CCAR2: variants seen among roughly 807,000 people sequenced by gnomAD.
CCAR2 encodes the protein cell cycle and apoptosis regulator 2.
Under a neutral mutation model 108.1 loss-of-function variants are expected in CCAR2, and 21 were observed. The observed-to-expected ratio is 0.19, with a 90% CI of 0.14 to 0.28. The LOEUF (loss-of-function observed/expected upper bound fraction) is 0.28. Among genes scored for constraint, CCAR2 ranks in the 10% least tolerant of loss-of-function variants. The pLI is 1.00. For synonymous variants in CCAR2, 577 were observed against 472.8 expected, an observed-to-expected ratio of 1.22 and a Z score of -2.86; for missense variants, 1,126 against 1,177.0, an observed-to-expected ratio of 0.96 and a Z score of 0.63.
intron 7 of CCAR2, among the ~76,000 whole-genome samples, chr8:22,610,599 A>G (rs1382150574): frequency 6.6e-6 from 1 of 152,244 alleles, no homozygotes; most frequent in East Asian, 1.9e-4. Flanking sequence ...TATTAGAAAC[A>G]TGGGCTACTG....
At position 22,615,457 on chromosome 8, in the gene CCAR2, C is replaced by T. The variant is rs138544051; in HGVS notation, c.1238C>T (p.Pro413Leu). Residue 413 changes from proline to leucine, a missense_variant, in exon 12 of 21, where the codon CCG (proline) becomes CTG (leucine). Pro to Leu is a moderately conservative substitution (Grantham distance 98). This residue lies in a region of CCAR2 where 1,013 missense variants were observed against 993.9 expected (regional missense o/e 1.02). Coordinates refer to ENST00000308511, the MANE Select transcript of CCAR2 (RefSeq NM_001393997.1). The stretch of plus-strand genomic sequence containing the variant: ...TTTGCCGAGTTTCAGTACCTGCAGC[C>T]GGGACCCCCCCGGCGGCTTCAGACA... ...WRFAEFQYLQ[P>L]GPPRRLQTVV... 70 of 1,613,690 alleles carry T rather than the reference C, an allele frequency of 4.3e-5. No homozygotes were observed. Among genetic ancestry groups the T allele is most frequent in the Middle Eastern group, 1.6e-4 (1 of 6,082 alleles).
At chr8:22,615,023 C>T in intron 11 of CCAR2, 22 bp downstream of exon 11, 11 of 1,533,534 alleles carry the variant, frequency 7.2e-6, no homozygotes, top group Non-Finnish European at 8.8e-6. Context: ...TCCTGAGCCT[C>T]AGCTGCACCA....
Position 22,617,245 on chromosome 8 carries a change from C to G in CCAR2, c.1846-175C>G, listed in dbSNP as rs999312611. ...AAAAGCCCAGGTGTCTGGCGATGCCCTGGCATGCTCTGAATCCCACTTAAT... is the reference window on the plus strand; with the variant it reads ...AAAAGCCCAGGTGTCTGGCGATGCCGTGGCATGCTCTGAATCCCACTTAAT... On this transcript the variant is annotated intron_variant, in intron 14 of 20. Coordinates refer to ENST00000308511, the MANE Select transcript of CCAR2 (RefSeq NM_001393997.1). The G allele has an allele frequency of 1.0e-5, 7 of 697,070 alleles. No individual in the cohort carries two copies. In the Admixed American group the frequency reaches 2.1e-4, roughly 21 times the overall value. 43.2% of individuals were successfully genotyped at this position (697,070 alleles called of 1,614,324 possible).
intron 10 of CCAR2, 71 bp downstream of exon 10, chr8:22,614,574 G>A (rs930963512): frequency 1.1e-5 from 16 of 1,399,864 alleles, no homozygotes; most frequent in African/African-American, 7.1e-5. Flanking sequence ...TTGAGTGTTC[G>A]GCTCCTGTTC....
chr8:22,606,129 ACTC>A lies in CCAR2; in HGVS notation c.109_111del (p.Pro37del), dbSNP rs759005793. The A allele has an allele frequency of 7.4e-6, 12 of 1,613,510 alleles. No homozygotes were observed. The highest frequency in any genetic ancestry group is 6.7e-5 in the East Asian group (3 of 44,876). On this transcript the variant is annotated inframe_deletion, in exon 3 of 21. Transcript: ENST00000308511. ...TCTGGGCCCTCCTCCTGGTTTGCTC[ACTC>A]CTCCTGTGGCCACAGAACTGTCCCA...
rs748279690 is a variant in CCAR2 at position 22,615,469 on chromosome 8, G to A, written c.1250G>A (p.Arg417Gln). The A allele has an allele frequency of 6.8e-6, 11 of 1,613,914 alleles. No individual in the cohort carries two copies. Among genetic ancestry groups the A allele is most frequent in the Middle Eastern group, 1.6e-4 (1 of 6,062 alleles). The change falls in exon 12 of 21, where the codon CGG becomes CAG. Residue 417 changes from arginine (R) to glutamine (Q), a missense_variant. Arg to Gln is a conservative substitution (Grantham distance 43, BLOSUM62 1). This residue lies in a region of CCAR2 where 1,013 missense variants were observed against 993.9 expected (regional missense o/e 1.02). Transcript: ENST00000308511. The part of the protein sequence containing the change: ...EFQYLQPGPP[R>Q]RLQTVVVYLP... ...CAGTACCTGCAGCCGGGACCCCCCC[G>A]GCGGCTTCAGACAGTGGTGGTGTAC... is the stretch of plus-strand genomic sequence containing the variant.
chr8:22,618,850 C>G lies in CCAR2; in HGVS notation c.2356C>G (p.Pro786Ala). The G allele has an allele frequency of 6.2e-7, 1 of 1,613,874 alleles. No individual in the cohort carries two copies. Among genetic ancestry groups the G allele is most frequent in the Non-Finnish European group, 8.5e-7 (1 of 1,179,976 alleles). ...AGGAAACCTGGACCTGCTGCCCCCT[C>G]CTGGGAAAAGCACGAAGCCAGGTGC... ...LFGNLDLLPPPGKSTKPGAAP... is the reference protein window; with the variant it reads ...LFGNLDLLPPAGKSTKPGAAP... The change falls in exon 19 of 21, where the codon CCT becomes GCT. Residue 786 changes from proline (P) to alanine (A), a missense_variant. Coordinates refer to ENST00000308511, the MANE Select transcript of CCAR2 (RefSeq NM_001393997.1).
At position 22,616,020 on chromosome 8, in the gene CCAR2, G is replaced by A. The variant is rs1447581993; in HGVS notation, c.1617G>A (p.Val539=). The A allele has an allele frequency of 3.7e-6, 6 of 1,613,958 alleles. No individual in the cohort carries two copies. Among genetic ancestry groups the A allele is most frequent in the African/African-American group, 2.7e-5 (2 of 74,894 alleles). ...TCCCACCTCCCCATCAGGTGATGGT[G>A]CTGGCCGAGCTGTTTCTGGAGATGC... ...PKERISFEVM[V]LAELFLEMLQ... is the part of the protein sequence containing the mutation. Residue 539 remains valine (V), a synonymous_variant, in exon 14 of 21, where the codon GTG becomes GTA. Transcript: ENST00000308511.
Position 22,619,639 on chromosome 8 carries a change from C to G in CCAR2, c.2729C>G (p.Ala910Gly). 6.4e-7 allele frequency: 1 copy of G among 1,572,298 alleles called. No individual in the cohort carries two copies. The highest frequency in any genetic ancestry group is 8.6e-7 in the Non-Finnish European group (1 of 1,158,208). Residue 910 changes from alanine to glycine, a missense_variant and splice_region_variant, in exon 21 of 21, where the codon GCT (alanine) becomes GGT (glycine). By Grantham distance (60) the Ala-to-Gly change is moderately conservative. Transcript: ENST00000308511. ...QLEIQRVVEK[A>G]DSWVEKEEPA... ...GGGTACATCATCTGTTTCAAACAGG[C>G]TGACAGCTGGGTGGAGAAGGAGGAG...
chr8:22,618,945 G>A lies in CCAR2; in HGVS notation c.2451G>A (p.Gln817=), dbSNP rs200280940. The change falls in exon 19 of 21, where the codon CAG becomes CAA. Residue 817 remains glutamine (Q), a synonymous_variant. Transcript: ENST00000308511. Reference sequence around the variant, plus strand: ...TGATTAACGTGGGGAGCCTGCTGCAGCGCGCGGAGCAGCAGGACAGCGGCC... The same window carrying A: ...TGATTAACGTGGGGAGCCTGCTGCAACGCGCGGAGCAGCAGGACAGCGGCC... ...GSLINVGSLL[Q]RAEQQDSGRL... is the part of the protein sequence containing the mutation. 30 of 1,613,714 alleles carry A rather than the reference G, an allele frequency of 1.9e-5. No homozygotes were observed. Among genetic ancestry groups the A allele is most frequent in the Non-Finnish European group, 2.5e-5 (29 of 1,180,040 alleles).
At position 22,607,380 on chromosome 8, in the gene CCAR2, A is replaced by G. The variant is rs1287604194; in HGVS notation, c.487+55A>G. 18 of 1,590,854 alleles carry G rather than the reference A, an allele frequency of 1.1e-5. No individual in the cohort carries two copies. In the South Asian group the frequency reaches 1.6e-4, roughly 14 times the overall value. ...TGGCATTATGGGGTAGTTTAGATCAATGGACTTTCAGGTTGCTGCTCTTAG... is the reference window on the plus strand; with the variant it reads ...TGGCATTATGGGGTAGTTTAGATCAGTGGACTTTCAGGTTGCTGCTCTTAG... On this transcript the variant is annotated intron_variant, in intron 6 of 20. Transcript: ENST00000308511.
intron 14 of CCAR2, among the ~76,000 whole-genome samples, chr8:22,616,941 GCGCAACCTCGGCTCAC>G (rs113450186): frequency 0.13 from 13,238 of 99,580 alleles, 1,767 homozygotes; most frequent in African/African-American, 0.37. Context: ...AAGTGCAGTG[GCGCAACCTCGGCTCAC>G]TGCAACCTCT....
rs779828194 is a variant in CCAR2 at position 22,615,916 on chromosome 8, G to A, written c.1608+4G>A. 6 of 1,613,888 alleles carry A rather than the reference G, an allele frequency of 3.7e-6. No homozygotes were observed. In the African/African-American group the frequency reaches 4.0e-5, roughly 11 times the overall value. On this transcript the variant is annotated splice_donor_region_variant and intron_variant, in intron 13 of 20. Coordinates refer to ENST00000308511, the MANE Select transcript of CCAR2 (RefSeq NM_001393997.1). ...AAAGGAAAGGATCTCTTTTGAGGCA[G>A]GTGTCAAGAGTCTTGGGGAGGCTGT... is the stretch of plus-strand genomic sequence containing the variant.
At chr8:22,611,324 G>A (rs765582680) in intron 7 of CCAR2, among the ~76,000 whole-genome samples, 5 of 146,746 alleles carry the variant, frequency 3.4e-5, no homozygotes, top group Non-Finnish European at 4.4e-5. Context: ...TCACGCCACT[G>A]CATTCCTGCC....
intron 16 of CCAR2, 150 bp downstream of exon 16, chr8:22,617,928 G>A (rs751356234): frequency 2.6e-5 from 19 of 744,908 alleles, no homozygotes; most frequent in Non-Finnish European, 4.0e-5. Context: ...GGAAGGGCAC[G>A]TTCATAGGCT....
At chr8:22,607,054 G>A (rs1158458690) in intron 5 of CCAR2, 30 bp downstream of exon 5, 9 of 1,612,006 alleles carry the variant, frequency 5.6e-6, no homozygotes, top group Non-Finnish European at 6.8e-6. Flanking sequence ...ATGTGCATTG[G>A]AAAGGGAAGG....
intron 16 of CCAR2, 150 bp from the exon 17 acceptor site, chr8:22,618,199 T>G: frequency 1.0e-6 from 1 of 1,003,024 alleles, no homozygotes; most frequent in South Asian, 1.5e-5. Flanking sequence ...CAAGTGATTC[T>G]CCTGCCTTAG....
Position 22,606,587 on chromosome 8 carries a change from G to A in CCAR2, c.151-20G>A. ...CCAGTTTCCTCCCTTTTACTTTTCAGCTGTCTCCTTCTCTTACAGGGTGGG... is the reference window on the plus strand; with the variant it reads ...CCAGTTTCCTCCCTTTTACTTTTCAACTGTCTCCTTCTCTTACAGGGTGGG... On this transcript the variant is annotated intron_variant, in intron 3 of 20. Coordinates refer to ENST00000308511, the MANE Select transcript of CCAR2 (RefSeq NM_001393997.1). 3 of 1,601,426 alleles carry A rather than the reference G, an allele frequency of 1.9e-6. No individual in the cohort carries two copies. The highest frequency in any genetic ancestry group is 2.6e-6 in the Non-Finnish European group (3 of 1,168,598).
chr8:22,607,106 CT>C lies in CCAR2; in HGVS notation c.357+86del, dbSNP rs2117413638. The stretch of plus-strand genomic sequence containing the variant: ...CCCTGACAGCTGGGCAAAACCCTGA[CT>C]TTTGTCAGGGGGGTGGGACTGCATC... On this transcript the variant is annotated intron_variant, in intron 5 of 20. Coordinates refer to ENST00000308511, the MANE Select transcript of CCAR2 (RefSeq NM_001393997.1). The C allele has an allele frequency of 2.5e-6, 4 of 1,608,578 alleles. No individual in the cohort carries two copies. In the East Asian group the frequency reaches 6.7e-5, roughly 27 times the overall value.
Sources: gnomAD v4.1 joint callset for allele counts (sites outside exome capture counted in the v4.1 genomes callset) on GRCh38, gnomAD v4.1.1 for gene constraint, gnomAD v4.1.1 regional missense constraint, MANE v1.5 for transcripts, NCBI Gene and HGNC (gene_info 2026-07-23, HGNC 2026-07-21) for gene names.